The following CEP112 variants were observed in gnomAD, a reference collection of about 807,000 sequenced individuals.
CEP112 encodes centrosomal protein of 112 kDa.
A neutral mutation model predicts 153.0 loss-of-function variants in CEP112; 127 were observed. The observed-to-expected ratio is 0.83, with a 90% CI of 0.72 to 0.96. The LOEUF (loss-of-function observed/expected upper bound fraction) is 0.96. Ranked by LOEUF, CEP112 falls within the 40% of genes least tolerant of loss-of-function variation. The probability of loss-of-function intolerance (pLI) is 0.00; values close to 1 mark genes in which losing one functional copy is unlikely to be tolerated. For synonymous variants in CEP112, 358 were observed against 374.4 expected, an observed-to-expected ratio of 0.96 and a Z score of 0.51; for missense variants, 1,089 against 1,101.2, an observed-to-expected ratio of 0.99 and a Z score of 0.16.
At chr17:65,914,478 G>A (rs34767269) in intron 19 of CEP112, among the ~76,000 whole-genome samples, 24,338 of 151,668 alleles carry the variant, frequency 0.16, 2,187 homozygotes, top group Admixed American at 0.27. Context: ...GGTGGCATTC[G>A]AAAAACAGAA....
intron 18 of CEP112, among the ~76,000 whole-genome samples, chr17:65,937,804 GC>G (rs2061390348): frequency 3.0e-5 from 3 of 100,584 alleles, no homozygotes; most frequent in Non-Finnish European, 6.1e-5. Context: ...GGGGGGGTCA[GC>G]CCCCCGCCCG....
At chr17:65,707,026 C>T (rs2048952233) in intron 23 of CEP112, among the ~76,000 whole-genome samples, 1 of 152,180 alleles carries the variant, frequency 6.6e-6, no homozygotes, top group South Asian at 2.1e-4. Context: ...TGCCACTAAC[C>T]CCTGTGGATT....
At chr17:66,100,196 G>A (rs1200835420) in intron 6 of CEP112, among the ~76,000 whole-genome samples, 5 of 151,616 alleles carry the variant, frequency 3.3e-5, no homozygotes, top group South Asian at 2.1e-4. Context: ...TCAGGAGATC[G>A]AGACCATCCT....
chr17:65,660,819 C>T (rs557376241), intron 24 of CEP112, among the ~76,000 whole-genome samples: 23 of 152,180 alleles, frequency 1.5e-4, no homozygotes, highest in African/African-American at 5.3e-4. Context: ...ACTTTGGCTT[C>T]CCACAGCGCC....
intron 21 of CEP112, among the ~76,000 whole-genome samples, chr17:65,756,405 CAAAAAAA>C (rs766476895): frequency 1.9e-3 from 59 of 30,514 alleles, no homozygotes; most frequent in African/African-American, 6.2e-3. Flanking sequence ...GACTCCGTCT[CAAAAAAA>C]AAAAAAAAAA....
At chr17:66,155,056 T>C (rs1200339712) in intron 4 of CEP112, among the ~76,000 whole-genome samples, 1 of 152,140 alleles carries the variant, frequency 6.6e-6, no homozygotes, top group South Asian at 2.1e-4. Flanking sequence ...CCTCATCAGA[T>C]GCCAGCACCT....
intron 24 of CEP112, among the ~76,000 whole-genome samples, chr17:65,686,200 TCA>T (rs918866277): frequency 4.0e-5 from 6 of 151,434 alleles, no homozygotes; most frequent in Non-Finnish European, 8.8e-5. Flanking sequence ...TATGAAATAT[TCA>T]GCTTTACCCA....
intron 6 of CEP112, among the ~76,000 whole-genome samples, chr17:66,121,983 T>G (rs1477643204): frequency 6.6e-6 from 1 of 152,070 alleles, no homozygotes; most frequent in African/African-American, 2.4e-5. Context: ...CAACCTCCAC[T>G]TCCCAGGTTC....
At chr17:66,091,202 G>A (rs953131737) in intron 8 of CEP112, among the ~76,000 whole-genome samples, 66 of 151,994 alleles carry the variant, frequency 4.3e-4, no homozygotes, top group African/African-American at 1.5e-3. Flanking sequence ...GAGATATACA[G>A]ATATACAAAA....
At chr17:66,017,925 G>A (rs1405447388) in intron 16 of CEP112, among the ~76,000 whole-genome samples, 2 of 151,546 alleles carry the variant, frequency 1.3e-5, no homozygotes, top group Non-Finnish European at 2.9e-5. Context: ...TCTTGAACCC[G>A]AGAGGCAGAG....
chr17:65,855,578 T>C (rs1363728085), intron 20 of CEP112, among the ~76,000 whole-genome samples: 3 of 152,122 alleles, frequency 2.0e-5, no homozygotes, highest in Middle Eastern at 3.2e-3. Context: ...TATAAGCTCA[T>C]CCAACAGGTC....
chr17:65,971,275 G>C (rs1001205396), intron 17 of CEP112, among the ~76,000 whole-genome samples: 17 of 152,190 alleles, frequency 1.1e-4, no homozygotes, highest in African/African-American at 1.9e-4. Flanking sequence ...CACATGTACA[G>C]CACATGCACA....
intron 21 of CEP112, chr17:65,826,080 G>T: frequency 6.4e-7 from 1 of 1,552,200 alleles, no homozygotes; most frequent in South Asian, 1.1e-5. Context: ...TCAGCAATGA[G>T]ATTTATTTTT....
chr17:65,915,786 T>TAAAAAAA (rs1806479284), intron 19 of CEP112, among the ~76,000 whole-genome samples: 1 of 39,326 alleles, frequency 2.5e-5, no homozygotes, highest in Non-Finnish European at 4.9e-5. Flanking sequence ...AGACTCAAAC[T>TAAAAAAA]CAAAAAAAAA....
At chr17:65,741,853 C>A (rs1415314776) in intron 23 of CEP112, among the ~76,000 whole-genome samples, 1 of 151,360 alleles carries the variant, frequency 6.6e-6, no homozygotes, top group East Asian at 1.9e-4. Context: ...TCAATGGAGG[C>A]ACTTCCTGTG....
chr17:66,066,037 T>C (rs1036291945), intron 10 of CEP112, among the ~76,000 whole-genome samples: 6 of 152,206 alleles, frequency 3.9e-5, no homozygotes, highest in African/African-American at 1.4e-4. Context: ...CCTGCAACTC[T>C]TCTCTCCAAC....
At chr17:65,637,219 G>C in intron 25 of CEP112, 31 bp from the exon 26 acceptor site, 1 of 1,504,330 alleles carries the variant, frequency 6.6e-7, no homozygotes, top group Non-Finnish European at 9.3e-7. Context: ...GAGAAGAGGT[G>C]GACGTGGCTT....
chr17:65,881,013 C>G (rs1414372596), intron 20 of CEP112, among the ~76,000 whole-genome samples: 2 of 151,956 alleles, frequency 1.3e-5, no homozygotes, highest in Non-Finnish European at 2.9e-5. Context: ...TCAGGAGATC[C>G]AGACCATCCT....
intron 12 of CEP112, among the ~76,000 whole-genome samples, chr17:66,031,494 T>TA (rs57103365): frequency 6.8e-6 from 1 of 147,938 alleles, no homozygotes; most frequent in Non-Finnish European, 1.5e-5. Context: ...TTGTTTTTTT[T>TA]TTTTTTTGAG....
Sources: gnomAD v4.1 joint callset for allele counts (sites outside exome capture counted in the v4.1 genomes callset) on GRCh38, gnomAD v4.1.1 for gene constraint, MANE v1.5 for transcripts, NCBI Gene and HGNC (gene_info 2026-07-23, HGNC 2026-07-21) for gene names.